Variants in ATAD2B observed in about 807,000 individuals in gnomAD.
The protein encoded by ATAD2B is ATPase family AAA domain containing 2B.
A neutral mutation model predicts 167.6 loss-of-function variants in ATAD2B; 40 were observed. The ratio of observed to expected loss-of-function variants is 0.24; its 90% CI spans 0.19 to 0.31. The LOEUF (loss-of-function observed/expected upper bound fraction) is 0.31. ATAD2B is among the 10% of genes least tolerant of loss of function. The probability of loss-of-function intolerance (pLI) is 1.00; values close to 1 mark genes in which losing one functional copy is unlikely to be tolerated. For missense variants in ATAD2B, 1,242 were observed against 1,757.2 expected (o/e 0.71, Z 5.24); for synonymous variants, 579 against 596.5 (o/e 0.97, Z 0.43).
chr2:23,918,361 A>T (rs1202485876), intron 1 of ATAD2B, among the ~76,000 whole-genome samples: 1 of 152,152 alleles, frequency 6.6e-6, no homozygotes, highest in Non-Finnish European at 1.5e-5. Context: ...ACACAGCAAG[A>T]TCCTGTCTCA....
intron 23 of ATAD2B, 42 bp from the exon 24 acceptor site, chr2:23,762,388 G>T: frequency 6.4e-7 from 1 of 1,566,348 alleles, no homozygotes. Context: ...AATATTCCCA[G>T]CTACATAAAC....
At chr2:23,848,309 G>C (rs968821407) in intron 13 of ATAD2B, among the ~76,000 whole-genome samples, 6 of 151,682 alleles carry the variant, frequency 4.0e-5, no homozygotes, top group Non-Finnish European at 8.8e-5. Context: ...TCGAGACCGT[G>C]TCTCTACTAA....
At chr2:23,732,642 G>A in the ATAD2B span, among the ~76,000 whole-genome samples, 1 of 152,082 alleles carries the variant, frequency 6.6e-6, no homozygotes, top group Non-Finnish European at 1.5e-5. Context: ...GATGTTATTA[G>A]ATATTAATTT....
chr2:23,867,882 C>A lies in ATAD2B; in HGVS notation c.1141G>T (p.Val381Leu). 1 of 1,613,854 alleles carries A rather than the reference C, an allele frequency of 6.2e-7. No individual in the cohort carries two copies. Among genetic ancestry groups the A allele is most frequent in the Non-Finnish European group, 8.5e-7 (1 of 1,179,818 alleles). ...ASGILRERVK[V>L]GASLADVDPM... ...TCAACATCAGCCAAGCTTGCACCCACTTTCACTCGTTCTCGGAGAATACCG... is the reference window on the plus strand; with the variant it reads ...TCAACATCAGCCAAGCTTGCACCCAATTTCACTCGTTCTCGGAGAATACCG... The change falls in exon 10 of 28, where the codon GTG (valine) becomes TTG (leucine). Residue 381 changes from valine to leucine, a missense_variant. By Grantham distance (32) the Val-to-Leu change is conservative. Coordinates refer to ENST00000238789, the MANE Select transcript of ATAD2B (RefSeq NM_017552.4).
chr2:23,774,930 GAAT>G (rs1435221429), intron 22 of ATAD2B, among the ~76,000 whole-genome samples: 2 of 151,898 alleles, frequency 1.3e-5, no homozygotes, highest in African/African-American at 4.8e-5. Flanking sequence ...AATAAAAATA[GAAT>G]AATAAATAAA....
chr2:23,678,662 A>G, the ATAD2B span, among the ~76,000 whole-genome samples: 1 of 152,198 alleles, frequency 6.6e-6, no homozygotes, highest in Non-Finnish European at 1.5e-5. Flanking sequence ...CAGCAACCCA[A>G]GCGTCCATCA....
At chr2:23,806,961 T>C (rs1265338069) in intron 18 of ATAD2B, among the ~76,000 whole-genome samples, 2 of 152,208 alleles carry the variant, frequency 1.3e-5, no homozygotes, top group Admixed American at 6.5e-5. Context: ...GTGTGCTTCT[T>C]CCTCTAAAGC....
At chr2:23,692,162 G>A in the ATAD2B span, among the ~76,000 whole-genome samples, 3 of 152,284 alleles carry the variant, frequency 2.0e-5, no homozygotes, top group African/African-American at 7.2e-5. Flanking sequence ...CACCATGAGG[G>A]CTGTGCATGT....
At chr2:23,771,578 GATGT>G in intron 22 of ATAD2B, among the ~76,000 whole-genome samples, 1 of 152,280 alleles carries the variant, frequency 6.6e-6, no homozygotes, top group African/African-American at 2.4e-5. Flanking sequence ...CTTTTAATGT[GATGT>G]ATGTGATTAT....
At chr2:23,783,989 A>AATCCT (rs1156879260) in intron 21 of ATAD2B, among the ~76,000 whole-genome samples, 1 of 152,066 alleles carries the variant, frequency 6.6e-6, no homozygotes, top group Non-Finnish European at 1.5e-5. Context: ...TTACTTATAA[A>AATCCT]AAATATTAAG....
chr2:23,828,886 T>A lies in ATAD2B; in HGVS notation c.1782A>T (p.Ser594=). The A allele has an allele frequency of 6.2e-7, 1 of 1,611,244 alleles. No homozygotes were observed. Among genetic ancestry groups the A allele is most frequent in the Non-Finnish European group, 8.5e-7 (1 of 1,178,694 alleles). ...CAGCCAATTCACCTAAAAATGCATCTGACAATTTTGGATTCCAGTCCCTGG... is the reference window on the plus strand; with the variant it reads ...CAGCCAATTCACCTAAAAATGCATCAGACAATTTTGGATTCCAGTCCCTGG... The part of the protein sequence containing the change: ...IHTRDWNPKL[S]DAFLGELAEK... The change falls in exon 15 of 28, where the codon TCA becomes TCT. Residue 594 remains serine (S), a synonymous_variant. Transcript: ENST00000238789.
the ATAD2B span, among the ~76,000 whole-genome samples, chr2:23,709,282 T>C: frequency 6.6e-6 from 1 of 152,134 alleles, no homozygotes; most frequent in Non-Finnish European, 1.5e-5. Context: ...CCTCAGGTGA[T>C]CCACCCACCT....
chr2:23,907,038 T>C (rs1163118333), intron 1 of ATAD2B, among the ~76,000 whole-genome samples: 2 of 150,934 alleles, frequency 1.3e-5, no homozygotes, highest in African/African-American at 2.5e-5. Flanking sequence ...ACTGGAAGCA[T>C]TCCCTTTGAA....
At chr2:23,798,440 C>A in intron 18 of ATAD2B, 117 bp from the exon 19 acceptor site, 2 of 773,988 alleles carry the variant, frequency 2.6e-6, no homozygotes, top group Non-Finnish European at 3.8e-6. Flanking sequence ...GTTTCAGCCT[C>A]AAAATTTAAG....
the ATAD2B span, among the ~76,000 whole-genome samples, chr2:23,742,174 T>C: frequency 6.6e-6 from 1 of 152,192 alleles, no homozygotes; most frequent in Non-Finnish European, 1.5e-5. Flanking sequence ...GAACTAGCAA[T>C]ACCATTTGAC....
intron 15 of ATAD2B, among the ~76,000 whole-genome samples, chr2:23,824,140 T>G (rs1278170695): frequency 1.3e-5 from 2 of 152,234 alleles, no homozygotes; most frequent in East Asian, 3.9e-4. Flanking sequence ...TTTATTTATT[T>G]TTGTAGAGAT....
chr2:23,793,667 C>T (rs1264467037), intron 19 of ATAD2B, among the ~76,000 whole-genome samples: 7 of 152,158 alleles, frequency 4.6e-5, no homozygotes, highest in Admixed American at 3.9e-4. Flanking sequence ...TTAAATCCTA[C>T]GTGATGATTC....
At chr2:23,700,526 G>A in the ATAD2B span, among the ~76,000 whole-genome samples, 3 of 152,158 alleles carry the variant, frequency 2.0e-5, no homozygotes, top group Non-Finnish European at 2.9e-5. This position sits in a 1 kb window ranked among gnomAD's most constrained non-coding sequence, Gnocchi z 4.6. Flanking sequence ...ATGGTAGCTT[G>A]AAATCAGCCA....
chr2:23,886,943 A>G (rs1246551946), intron 4 of ATAD2B, among the ~76,000 whole-genome samples: 12 of 147,912 alleles, frequency 8.1e-5, no homozygotes, highest in Admixed American at 7.5e-4. Context: ...AAAAAAAAAA[A>G]GGGAAAAAGA....
Sources: allele counts gnomAD v4.1 joint callset (sites outside exome capture counted in the v4.1 genomes callset), GRCh38; gene constraint gnomAD v4.1.1; non-coding constraint Gnocchi (gnomAD v3.1); transcripts MANE v1.5; gene names NCBI Gene and HGNC (gene_info 2026-07-23, HGNC 2026-07-21).